Variants in DSG4 observed in about 807,000 individuals in gnomAD.
DSG4 encodes desmoglein 4.
DSG4 carries 87 observed loss-of-function variants against 93.1 expected under a neutral mutation model. That is an observed-to-expected ratio of 0.93 (90% confidence interval 0.79 to 1.12). The LOEUF (loss-of-function observed/expected upper bound fraction) is 1.12, where lower values mean the gene tolerates loss of function less well. DSG4 is among the 50% of genes most tolerant of loss of function. The pLI is 0.00. For missense variants in DSG4, 1,373 were observed against 1,285.7 expected (o/e 1.07, Z -1.04); for synonymous variants, 432 against 452.9 (o/e 0.95, Z 0.59).
rs2072518946 is a variant in DSG4, at chr18:31,413,341, G to A, written c.2869G>A (p.Ala957Thr). 6.2e-7 allele frequency: 1 copy of A among 1,614,056 alleles called. No homozygotes were observed. Among genetic ancestry groups the A allele is most frequent in the South Asian group, 1.1e-5 (1 of 91,080 alleles). The change falls in exon 16 of 16, where the codon GCA (alanine) becomes ACA (threonine). Residue 957 changes from alanine (A) to threonine (T), a missense_variant. Transcript: ENST00000308128. ...QGNICVPAEL[A>T]DYNNVIYAER... ...GAATATTTGTGTACCTGCTGAGTTAGCAGATTACAACAATGTAATCTATGC... is the reference window on the plus strand; with the variant it reads ...GAATATTTGTGTACCTGCTGAGTTAACAGATTACAACAATGTAATCTATGC...
At chr18:31,384,371 T>C (rs1465697052) in intron 1 of DSG4, among the ~76,000 whole-genome samples, 1 of 152,160 alleles carries the variant, frequency 6.6e-6, no homozygotes, top group Non-Finnish European at 1.5e-5. Context: ...TGATAGAAAT[T>C]CCAATAAAAT....
intron 1 of DSG4, 78 bp from the exon 2 acceptor site, chr18:31,385,058 T>C (rs2072172716): frequency 8.4e-7 from 1 of 1,188,082 alleles, no homozygotes; most frequent in South Asian, 1.3e-5. Flanking sequence ...AATAAAAGAA[T>C]ATTGTCAATG....
intron 15 of DSG4, among the ~76,000 whole-genome samples, chr18:31,412,301 G>T (rs1043122755): frequency 3.3e-5 from 5 of 152,198 alleles, no homozygotes; most frequent in Non-Finnish European, 5.9e-5. Context: ...TCACTCATCT[G>T]TGGAAGCTAA....
intron 4 of DSG4, 134 bp downstream of exon 4, chr18:31,388,656 G>A: frequency 7.5e-7 from 1 of 1,341,510 alleles, no homozygotes; most frequent in Non-Finnish European, 1.0e-6. Flanking sequence ...TTGAAGGAAT[G>A]GAAAGAGTGT....
chr18:31,407,322 G>C (rs2072438943), intron 12 of DSG4, among the ~76,000 whole-genome samples: 1 of 152,216 alleles, frequency 6.6e-6, no homozygotes, highest in Admixed American at 6.5e-5. Flanking sequence ...GAGCGCAGGT[G>C]ACCCTGCGGT....
In DSG4 at chr18:31,399,409, A is replaced by C; in HGVS notation, c.1143A>C (p.Glu381Asp). 6.2e-7 allele frequency: 1 copy of C among 1,614,108 alleles called. No individual in the cohort carries two copies. Among genetic ancestry groups the C allele is most frequent in the Non-Finnish European group, 8.5e-7 (1 of 1,179,978 alleles). ...PVRIQVVDVR[E>D]GPAFHPSTMA... ...GAATTCAAGTTGTTGATGTGAGAGA[A>C]GGACCTGCATTTCATCCAAGTACTA... Residue 381 changes from glutamate to aspartate, a missense_variant, in exon 9 of 16, where the codon GAA (glutamate) becomes GAC (aspartate). By Grantham distance (45) the Glu-to-Asp change is conservative (BLOSUM62 2). Transcript: ENST00000308128.
At chr18:31,377,918 G>A (rs758556769) in intron 1 of DSG4, among the ~76,000 whole-genome samples, 1 of 152,194 alleles carries the variant, frequency 6.6e-6, no homozygotes, top group Non-Finnish European at 1.5e-5. Flanking sequence ...TAGGCAAGTG[G>A]CAATTATACC....
intron 1 of DSG4, among the ~76,000 whole-genome samples, chr18:31,383,077 G>A (rs947700334): frequency 9.2e-5 from 14 of 152,146 alleles, no homozygotes; most frequent in Non-Finnish European, 1.9e-4. Context: ...GATGCCACGG[G>A]GCACTATGAA....
At chr18:31,411,496 A>C in intron 15 of DSG4, 48 bp downstream of exon 15, 1 of 1,594,118 alleles carries the variant, frequency 6.3e-7, no homozygotes. Flanking sequence ...ATTGAATAAT[A>C]ATAATAGTAA....
intron 8 of DSG4, among the ~76,000 whole-genome samples, chr18:31,395,006 T>C (rs185506579): frequency 4.6e-5 from 7 of 152,168 alleles, no homozygotes; most frequent in Non-Finnish European, 1.0e-4. Flanking sequence ...CTGATCTAAA[T>C]ATCTTTCTAC....
Position 31,386,834 on chromosome 18 carries a change from A to T in DSG4, c.216+15A>T. 6.2e-7 allele frequency: 1 copy of T among 1,612,908 alleles called. No homozygotes were observed. The highest frequency in any genetic ancestry group is 8.5e-7 in the Non-Finnish European group (1 of 1,179,052). ...CCATTGCCAAAGTAAGTGATGAAGC[A>T]ATCTGATGACAAATGCTTTTGCAGA... On this transcript the variant is annotated intron_variant, in intron 3 of 15. Coordinates refer to ENST00000308128, the MANE Select transcript of DSG4 (RefSeq NM_177986.5).
chr18:31,399,339 A>C lies in DSG4; in HGVS notation c.1073A>C (p.His358Pro). The change falls in exon 9 of 16, where the codon CAC becomes CCC. Residue 358 changes from histidine to proline, a missense_variant. By Grantham distance (77) the His-to-Pro change is moderately conservative. Coordinates refer to ENST00000308128, the MANE Select transcript of DSG4 (RefSeq NM_177986.5). ...SIGVKNQADF[H>P]YSVASQFQMH... is the part of the protein sequence containing the mutation. ...GGAGTTAAAAACCAAGCTGATTTTCACTACTCCGTTGCTTCTCAATTCCAA... is the reference window on the plus strand; with the variant it reads ...GGAGTTAAAAACCAAGCTGATTTTCCCTACTCCGTTGCTTCTCAATTCCAA... 2 of 1,614,104 alleles carry C rather than the reference A, an allele frequency of 1.2e-6. No homozygotes were observed. Among genetic ancestry groups the C allele is most frequent in the Non-Finnish European group, 8.5e-7 (1 of 1,179,972 alleles).
Position 31,392,372 on chromosome 18 carries a change from C to T in DSG4, c.1005+32C>T, listed in dbSNP as rs776227245. 43 of 1,603,694 alleles carry T rather than the reference C, an allele frequency of 2.7e-5. No homozygotes were observed. In the South Asian group the frequency reaches 4.6e-4, roughly 17 times the overall value. ...TATAAGGATCTGCAATATTTTCTTC[C>T]AAAATATTTTATTCCAAAGAAGTTT... On this transcript the variant is annotated intron_variant, in intron 8 of 15. Coordinates refer to ENST00000308128, the MANE Select transcript of DSG4 (RefSeq NM_177986.5).
chr18:31,388,748 T>A (rs548749058), intron 4 of DSG4, 126 bp from the exon 5 acceptor site: 1 of 1,431,902 alleles, frequency 7.0e-7, no homozygotes, highest in African/African-American at 1.4e-5. Context: ...TTTAAATTAT[T>A]TGACTGTACT....
At position 31,388,371 on chromosome 18, in the gene DSG4, G is replaced by C. The variant is rs145443659; in HGVS notation, c.221G>C (p.Arg74Pro). ...NSKRNPIAKI[R>P]SDCESNQKIT... ...TCCTAGCTATTTTTCTTATAGATTC[G>C]ATCAGACTGCGAATCGAACCAGAAG... The change falls in exon 4 of 16, where the codon CGA becomes CCA. Residue 74 changes from arginine to proline, a missense_variant. Transcript: ENST00000308128. The C allele has an allele frequency of 8.7e-6, 14 of 1,612,836 alleles. No individual in the cohort carries two copies. In the South Asian group the frequency reaches 1.2e-4, roughly 14 times the overall value.
intron 8 of DSG4, 118 bp from the exon 9 acceptor site, chr18:31,399,154 C>G: frequency 7.4e-7 from 1 of 1,352,600 alleles, no homozygotes; most frequent in Non-Finnish European, 1.0e-6. Context: ...AATTCAAAAT[C>G]TAAACAGCGT....
chr18:31,400,058 T>C (rs961850031), intron 9 of DSG4, among the ~76,000 whole-genome samples: 7 of 152,124 alleles, frequency 4.6e-5, no homozygotes, highest in Admixed American at 2.6e-4. Flanking sequence ...AATAAAAAGA[T>C]AGTATTGGGG....
At chr18:31,404,499 T>C (rs1202047754) in intron 11 of DSG4, among the ~76,000 whole-genome samples, 1 of 152,182 alleles carries the variant, frequency 6.6e-6, no homozygotes, top group East Asian at 1.9e-4. Context: ...TCATATTCAT[T>C]TGGGGCTACA....
At position 31,412,691 on chromosome 18, in the gene DSG4, T is replaced by G. The variant is rs535528763; in HGVS notation, c.2356-137T>G. On this transcript the variant is annotated intron_variant, in intron 15 of 15. Transcript: ENST00000308128. Reference sequence around the variant, plus strand: ...AATGTGCATGGATAGTATCAATTATTTTAATGAGTGATTGATACCATTATT... The same window carrying G: ...AATGTGCATGGATAGTATCAATTATGTTAATGAGTGATTGATACCATTATT... 3.4e-6 allele frequency: 3 copies of G among 887,780 alleles called. No individual in the cohort carries two copies. In the Admixed American group the frequency reaches 7.6e-5, roughly 22 times the overall value. 55.0% of individuals were successfully genotyped at this position (887,780 alleles called of 1,614,324 possible).
Sources: gnomAD v4.1 joint callset for allele counts (sites outside exome capture counted in the v4.1 genomes callset) on GRCh38, gnomAD v4.1.1 for gene constraint, MANE v1.5 for transcripts, NCBI Gene and HGNC (gene_info 2026-07-23, HGNC 2026-07-21) for gene names.